RGS22: variants seen among roughly 807,000 people sequenced by gnomAD.
RGS22 encodes regulator of G protein signaling 22, also known as regulator of G-protein signaling 22.
Under a neutral mutation model 172.9 loss-of-function variants are expected in RGS22, and 148 were observed. The ratio of observed to expected loss-of-function variants is 0.86; its 90% CI spans 0.75 to 0.98. The LOEUF is 0.98. Among genes scored for constraint, RGS22 ranks in the 50% least tolerant of loss-of-function variants. The pLI, the probability that RGS22 is intolerant of heterozygous loss-of-function variation, is 0.00. For synonymous variants in RGS22, 458 were observed against 480.2 expected, an observed-to-expected ratio of 0.95 and a Z score of 0.60; for missense variants, 1,347 against 1,440.8, an observed-to-expected ratio of 0.93 and a Z score of 1.05.
intron 20 of RGS22, among the ~76,000 whole-genome samples, chr8:99,991,556 A>T (rs1177442741): frequency 6.6e-6 from 1 of 152,232 alleles, no homozygotes; most frequent in Non-Finnish European, 1.5e-5. Flanking sequence ...CAAGAAGACA[A>T]GGTTAGAGAA....
At chr8:100,018,303 T>C (rs1817228518) in intron 14 of RGS22, among the ~76,000 whole-genome samples, 1 of 151,456 alleles carries the variant, frequency 6.6e-6, no homozygotes, top group South Asian at 2.1e-4. Context: ...AACTGAACTG[T>C]CAATATTACT....
chr8:100,087,812 C>G (rs1361097797), intron 3 of RGS22, among the ~76,000 whole-genome samples: 1 of 152,018 alleles, frequency 6.6e-6, no homozygotes, highest in Non-Finnish European at 1.5e-5. Flanking sequence ...AGATGTTTAA[C>G]CATAAACTGT....
intron 23 of RGS22, among the ~76,000 whole-genome samples, chr8:99,969,973 T>C (rs1384517763): frequency 6.6e-6 from 1 of 152,114 alleles, no homozygotes; most frequent in African/African-American, 2.4e-5. Flanking sequence ...ATCAACAACA[T>C]AATTGGAAGT....
chr8:99,968,351 A>G (rs1810978531), intron 23 of RGS22, among the ~76,000 whole-genome samples: 1 of 152,164 alleles, frequency 6.6e-6, no homozygotes, highest in Non-Finnish European at 1.5e-5. Context: ...GCTCCTCTAC[A>G]GCAAGGGCAC....
intron 14 of RGS22, among the ~76,000 whole-genome samples, chr8:100,010,926 T>G (rs942643446): frequency 6.6e-6 from 1 of 151,676 alleles, no homozygotes; most frequent in Non-Finnish European, 1.5e-5. Context: ...TTAACAGGTG[T>G]GAGCCACCAT....
At chr8:100,081,870 C>A (rs1303649799) in intron 3 of RGS22, among the ~76,000 whole-genome samples, 2 of 151,022 alleles carry the variant, frequency 1.3e-5, no homozygotes. Context: ...TTCTGAGTAT[C>A]CATGGAACAA....
intron 16 of RGS22, 69 bp downstream of exon 16, chr8:100,005,948 C>T: frequency 1.9e-6 from 2 of 1,067,486 alleles, no homozygotes; most frequent in South Asian, 1.3e-5. Context: ...TCTCCCCCTG[C>T]CCCATACATA....
Position 99,962,421 on chromosome 8 carries a change from A to G in RGS22, c.*18T>C. 6.2e-7 allele frequency: 1 copy of G among 1,613,516 alleles called. No individual in the cohort carries two copies. The highest frequency in any genetic ancestry group is 1.1e-5 in the South Asian group (1 of 91,068). On this transcript the variant is annotated 3_prime_UTR_variant, in exon 27 of 28. Coordinates refer to ENST00000360863, the MANE Select transcript of RGS22 (RefSeq NM_015668.5). ...TGAACCTATCAGCAGCAGGATGTAA[A>G]CATTCACAAGAATGCTGTCACTCTG...
intron 20 of RGS22, among the ~76,000 whole-genome samples, chr8:99,988,247 T>A (rs1268735850): frequency 2.0e-5 from 3 of 151,832 alleles, no homozygotes; most frequent in Non-Finnish European, 4.4e-5. Context: ...TTAATAAAAT[T>A]CCTTTGACTG....
chr8:100,105,742 C>T (rs1207733113), intron 1 of RGS22, 155 bp downstream of exon 1: 7 of 633,846 alleles, frequency 1.1e-5, no homozygotes, highest in Non-Finnish European at 1.9e-5. Context: ...TGAAATTCGT[C>T]ATAAAATCCA....
intron 5 of RGS22, among the ~76,000 whole-genome samples, 190 bp downstream of exon 5, chr8:100,071,955 G>A (rs1811013883): frequency 6.6e-6 from 1 of 152,198 alleles, no homozygotes; most frequent in Admixed American, 6.5e-5. Context: ...CCCAGGTTTT[G>A]GGAGGCCAAG....
At chr8:100,101,070 C>T (rs181074771) in intron 2 of RGS22, among the ~76,000 whole-genome samples, 1 of 152,210 alleles carries the variant, frequency 6.6e-6, no homozygotes, top group Admixed American at 6.5e-5. Context: ...TTTTTGAAGT[C>T]TGGCACACTT....
chr8:100,072,288 T>G, intron 4 of RGS22, 58 bp from the exon 5 acceptor site: 2 of 1,039,536 alleles, frequency 1.9e-6, no homozygotes, highest in African/African-American at 3.2e-5. Context: ...TTTAGGATGA[T>G]TAACACCTAA....
At chr8:99,999,511 T>C (rs760009424) in intron 18 of RGS22, 91 bp from the exon 19 acceptor site, 37 of 1,404,354 alleles carry the variant, frequency 2.6e-5, no homozygotes, top group South Asian at 9.5e-5. Flanking sequence ...CAAAACCATT[T>C]GCTGCACCCT....
intron 8 of RGS22, 106 bp from the exon 9 acceptor site, chr8:100,062,858 C>A: frequency 2.2e-6 from 2 of 903,198 alleles, no homozygotes; most frequent in East Asian, 2.7e-5. Flanking sequence ...TAAAGACTTT[C>A]CTAAAACAGG....
At chr8:99,980,254 A>T (rs1812409747) in intron 22 of RGS22, among the ~76,000 whole-genome samples, 2 of 152,160 alleles carry the variant, frequency 1.3e-5, no homozygotes, top group Non-Finnish European at 2.9e-5. Context: ...TATTTTAAGC[A>T]GAGAAGTGAC....
intron 14 of RGS22, among the ~76,000 whole-genome samples, chr8:100,016,772 G>A (rs898735234): frequency 1.3e-4 from 19 of 151,780 alleles, no homozygotes; most frequent in Non-Finnish European, 2.2e-4. Flanking sequence ...GCAAGACTCC[G>A]TCTCAAAAAA....
At position 100,045,351 on chromosome 8, in the gene RGS22, G is replaced by A. The variant is rs150238825; in HGVS notation, c.1823+2112C>T. Reference sequence around the variant, plus strand: ...GAACACATACTATGTGCCAGATACTGTACTATACCCCGGAGCATTCACCTA... The same window carrying A: ...GAACACATACTATGTGCCAGATACTATACTATACCCCGGAGCATTCACCTA... On this transcript the variant is annotated intron_variant, in intron 11 of 27. Transcript: ENST00000360863. Among the ~76,000 whole-genome samples, 52 of 152,100 alleles carry A rather than the reference G, an allele frequency of 3.4e-4. 1 individual carries two copies. In the East Asian group the frequency reaches 9.6e-3, roughly 28 times the overall value.
Position 100,071,470 on chromosome 8 carries a change from A to T in RGS22, c.493T>A (p.Phe165Ile). 2 of 1,613,018 alleles carry T rather than the reference A, an allele frequency of 1.2e-6. No homozygotes were observed. Among genetic ancestry groups the T allele is most frequent in the Non-Finnish European group, 1.7e-6 (2 of 1,179,384 alleles). The change falls in exon 6 of 28, where the codon TTT (phenylalanine) becomes ATT (isoleucine). Residue 165 changes from phenylalanine (F) to isoleucine (I), a missense_variant. Coordinates refer to ENST00000360863, the MANE Select transcript of RGS22 (RefSeq NM_015668.5). ...GGTTTTTTCACGATCCAGGGAGAAA[A>T]ATTTGATCCTACTGTGAAATTCATG... ...SGMNFTVGSN[F>I]SPWIVKKPPS...
Sources: allele counts gnomAD v4.1 joint callset (sites outside exome capture counted in the v4.1 genomes callset), GRCh38; gene constraint gnomAD v4.1.1; transcripts MANE v1.5; gene names NCBI Gene and HGNC (gene_info 2026-07-23, HGNC 2026-07-21).